Variants in PKD1L3 observed in about 807,000 individuals in gnomAD.
PKD1L3 encodes the protein polycystin-1-like protein 3.
A neutral mutation model predicts 184.1 loss-of-function variants in PKD1L3; 239 were observed. The ratio of observed to expected loss-of-function variants is 1.30; its 90% CI spans 1.17 to 1.45. The LOEUF is 1.45. Ranked by LOEUF, PKD1L3 falls within the 40% of genes most tolerant of loss-of-function variation. The pLI, the probability that PKD1L3 is intolerant of heterozygous loss-of-function variation, is 0.00. For synonymous variants in PKD1L3, 996 were observed against 778.8 expected, an observed-to-expected ratio of 1.28 and a Z score of -4.64; for missense variants, 2,660 against 2,067.2, an observed-to-expected ratio of 1.29 and a Z score of -5.56.
At position 71,933,933 on chromosome 16, in the gene PKD1L3, C is replaced by A. The variant is rs549462284; in HGVS notation, c.4806G>T (p.Leu1602=). 6.4e-7 allele frequency: 1 copy of A among 1,551,270 alleles called. No homozygotes were observed. The change falls in exon 27 of 30, where the codon CTG becomes CTT. Residue 1602 remains leucine, a synonymous_variant. Coordinates refer to ENST00000620267, the MANE Select transcript of PKD1L3 (RefSeq NM_181536.2). ...VGFLLIILIL[L]TGYAIAFNLL... ...GGCTTACGGCAATGGCATAGCCTGTCAGCAGGATTAGGATGATCAGCAGAA... is the reference window on the plus strand; with the variant it reads ...GGCTTACGGCAATGGCATAGCCTGTAAGCAGGATTAGGATGATCAGCAGAA...
At chr16:71,975,765 CGT>C (rs1437366406) in intron 11 of PKD1L3, among the ~76,000 whole-genome samples, 15 of 152,140 alleles carry the variant, frequency 9.9e-5, no homozygotes, top group Non-Finnish European at 1.8e-4. Flanking sequence ...TTTATGGTCA[CGT>C]GTCTACACAT....
At chr16:71,990,553 T>A (rs1446202095) in intron 3 of PKD1L3, among the ~76,000 whole-genome samples, 1 of 151,986 alleles carries the variant, frequency 6.6e-6, no homozygotes, top group Admixed American at 6.6e-5. Flanking sequence ...GCCAGTGTGG[T>A]GAAACCCCTA....
intron 4 of PKD1L3, among the ~76,000 whole-genome samples, chr16:71,988,873 A>G (rs1045829705): frequency 1.3e-5 from 2 of 152,194 alleles, no homozygotes; most frequent in African/African-American, 4.8e-5. Flanking sequence ...TTATGTGGGG[A>G]GGCTTAAAAG....
intron 9 of PKD1L3, among the ~76,000 whole-genome samples, chr16:71,978,837 G>A (rs565829917): frequency 1.3e-5 from 2 of 152,186 alleles, no homozygotes; most frequent in Non-Finnish European, 2.9e-5. Context: ...ATCATGCCCA[G>A]CCGGATATCA....
At chr16:71,997,788 T>TAAAC (rs2040844750) in intron 2 of PKD1L3, among the ~76,000 whole-genome samples, 1 of 151,148 alleles carries the variant, frequency 6.6e-6, no homozygotes, top group Non-Finnish European at 1.5e-5. Flanking sequence ...AATAAATAAA[T>TAAAC]ACAACAACTA....
At chr16:71,971,036 T>C (rs1250544721) in intron 12 of PKD1L3, among the ~76,000 whole-genome samples, 1 of 152,192 alleles carries the variant, frequency 6.6e-6, no homozygotes, top group African/African-American at 2.4e-5. Context: ...CACTGCTGTG[T>C]CTCTAGTTCC....
intron 11 of PKD1L3, 88 bp downstream of exon 11, chr16:71,977,148 G>A: frequency 2.9e-6 from 3 of 1,017,570 alleles, no homozygotes; most frequent in Non-Finnish European, 4.4e-6. Context: ...GACAGTTTGA[G>A]GCTGCAGTCA....
rs535083651 is a variant in PKD1L3, at chr16:71,930,947, A to G, written c.4927-764T>C. ...ATGGCAAAATATTTTCAAGCACCAA[A>G]CTGTTTTACCTACTTAAAAATGATT... On this transcript the variant is annotated intron_variant, in intron 28 of 29. Coordinates refer to ENST00000620267, the MANE Select transcript of PKD1L3 (RefSeq NM_181536.2). 2.6e-5 allele frequency: 4 copies of G among 152,260 alleles called. No homozygotes were observed. The South Asian group carries it at 8.3e-4, about 32-fold the overall frequency. The allele number at this position is 152,260 out of a possible 1,614,324, so 9.4% of individuals were successfully genotyped here. A position where few individuals can be genotyped will look rare whatever the true frequency, so the allele number is the denominator to read the frequency against.
At chr16:71,953,856 A>G (rs1370739816) in intron 17 of PKD1L3, among the ~76,000 whole-genome samples, 1 of 152,300 alleles carries the variant, frequency 6.6e-6, no homozygotes. Context: ...GAGCCAAACC[A>G]TATCACACCA....
At chr16:71,994,156 A>T (rs1441572176) in intron 2 of PKD1L3, among the ~76,000 whole-genome samples, 2 of 152,178 alleles carry the variant, frequency 1.3e-5, no homozygotes, top group Non-Finnish European at 2.9e-5. Context: ...AGAAAATCAT[A>T]TAACCATGAT....
At position 71,982,105 on chromosome 16, in the gene PKD1L3, T is replaced by C. The variant is rs1470989406; in HGVS notation, c.1097A>G (p.Lys366Arg). ...CPFHSLNNVT[K>R]AGEGSWLESK... ...TTCCAGCCAACTTCCTTCTCCAGCT[T>C]TGGTGACATTGTTGAGGGAATGAAA... The change falls in exon 7 of 30, where the codon AAA becomes AGA. Residue 366 changes from lysine (K) to arginine (R), a missense_variant. Physicochemically the swap from Lys to Arg is conservative, Grantham distance 26. Coordinates refer to ENST00000620267, the MANE Select transcript of PKD1L3 (RefSeq NM_181536.2). 3.9e-6 allele frequency: 6 copies of C among 1,551,094 alleles called. No individual in the cohort carries two copies. The highest frequency in any genetic ancestry group is 4.4e-6 in the Non-Finnish European group (5 of 1,146,814).
rs186824002 is a variant in PKD1L3 at position 71,934,390 on chromosome 16, T to C, written c.4614-265A>G. On this transcript the variant is annotated intron_variant, in intron 26 of 29. Coordinates refer to ENST00000620267, the MANE Select transcript of PKD1L3 (RefSeq NM_181536.2). ...GCCTTAAAATGTGACCTCTAGCTGA[T>C]TTCTTTATTCCAAATTCATCCTGGG... Among the ~76,000 whole-genome samples the C allele has an allele frequency of 1.6e-4, 24 of 152,274 alleles. No homozygotes were observed. In the East Asian group the frequency reaches 4.6e-3, roughly 29 times the overall value.
intron 11 of PKD1L3, among the ~76,000 whole-genome samples, chr16:71,977,025 A>G (rs755744568): frequency 7.9e-5 from 12 of 152,180 alleles, no homozygotes; most frequent in Non-Finnish European, 1.8e-4. Context: ...TTATAGGCGC[A>G]AGCCACCGCG....
intron 24 of PKD1L3, among the ~76,000 whole-genome samples, chr16:71,939,296 C>A (rs1221618748): frequency 6.6e-6 from 1 of 152,216 alleles, no homozygotes; most frequent in African/African-American, 2.4e-5. Context: ...CTGTACCTGG[C>A]TGTCTCTTGG....
chr16:71,940,002 C>T (rs985331900), intron 24 of PKD1L3, among the ~76,000 whole-genome samples: 11 of 152,224 alleles, frequency 7.2e-5, no homozygotes, highest in Admixed American at 6.5e-4. Context: ...GTACAGGAAA[C>T]CCGGAAGCAA....
chr16:71,983,615 C>G (rs2040241609), intron 6 of PKD1L3, among the ~76,000 whole-genome samples: 2 of 141,136 alleles, frequency 1.4e-5, no homozygotes, highest in Non-Finnish European at 3.0e-5. Context: ...TAAATACAGT[C>G]TTTATAATGC....
At chr16:71,950,398 G>C in intron 19 of PKD1L3, 88 bp from the exon 20 acceptor site, 2 of 1,188,210 alleles carry the variant, frequency 1.7e-6, no homozygotes, top group Non-Finnish European at 2.3e-6. Context: ...ATTGATGGAT[G>C]ATGAGGCTAT....
At chr16:71,968,504 A>T (rs1189525511) in intron 13 of PKD1L3, among the ~76,000 whole-genome samples, 2 of 152,222 alleles carry the variant, frequency 1.3e-5, no homozygotes, top group Non-Finnish European at 2.9e-5. Flanking sequence ...CAAGTGCAAG[A>T]AAACATAGGA....
At chr16:71,995,011 A>T (rs1205396062) in intron 2 of PKD1L3, among the ~76,000 whole-genome samples, 1 of 152,130 alleles carries the variant, frequency 6.6e-6, no homozygotes, top group Non-Finnish European at 1.5e-5. Flanking sequence ...CAGTTGACTT[A>T]AATTTGTTTT....
Sources: allele counts gnomAD v4.1 joint callset (sites outside exome capture counted in the v4.1 genomes callset), GRCh38; gene constraint gnomAD v4.1.1; transcripts MANE v1.5; gene names NCBI Gene and HGNC (gene_info 2026-07-23, HGNC 2026-07-21).